Variants in THSD4 observed in about 807,000 individuals in gnomAD.
THSD4 encodes the protein thrombospondin type 1 domain containing 4, also known as thrombospondin type-1 domain-containing protein 4.
Under a neutral mutation model 119.0 loss-of-function variants are expected in THSD4, and 69 were observed. The ratio of observed to expected loss-of-function variants is 0.58; its 90% CI spans 0.48 to 0.71. The LOEUF (loss-of-function observed/expected upper bound fraction) is 0.71. Ranked by LOEUF, THSD4 falls within the 30% of genes least tolerant of loss-of-function variation. The pLI is 0.00. For missense variants in THSD4, 1,393 were observed against 1,391.1 expected (o/e 1.00, Z -0.02); for synonymous variants, 524 against 540.4 (o/e 0.97, Z 0.42).
chr15:71,474,851 C>G (rs2047634804), intron 7 of THSD4, among the ~76,000 whole-genome samples: 1 of 152,192 alleles, frequency 6.6e-6, no homozygotes, highest in African/African-American at 2.4e-5. Context: ...CTCTCTCTTC[C>G]CTTGACTCAC....
chr15:71,283,424 ATTATCTCC>A (rs965942679), intron 6 of THSD4, among the ~76,000 whole-genome samples: 8 of 152,182 alleles, frequency 5.3e-5, no homozygotes, highest in African/African-American at 1.4e-4. Context: ...AAATGTTAAT[ATTATCTCC>A]TTAAGTAGTC....
rs752074142 is a variant in THSD4 at position 71,746,875 on chromosome 15, T to C, written c.2074T>C (p.Cys692Arg). ...IGEWSECSKT[C>R]GLGMQHRQVL... ...GGAGTGGTCTGAGTGCAGCAAGACC[T>C]GTGGCCTGGGCATGCAGCACCGCCA... The change falls in exon 13 of 18, where the codon TGT (cysteine) becomes CGT (arginine). Residue 692 changes from cysteine to arginine, a missense_variant. Transcript: ENST00000261862. 6.2e-7 allele frequency: 1 copy of C among 1,614,106 alleles called. No homozygotes were observed. Among genetic ancestry groups the C allele is most frequent in the Admixed American group, 1.7e-5 (1 of 60,022 alleles).
At chr15:71,513,521 A>C (rs2048312397) in intron 7 of THSD4, among the ~76,000 whole-genome samples, 1 of 152,240 alleles carries the variant, frequency 6.6e-6, no homozygotes, top group African/African-American at 2.4e-5. Context: ...ATCATAAATC[A>C]TCAGGAAAAT....
intron 8 of THSD4, among the ~76,000 whole-genome samples, chr15:71,728,221 C>T (rs2052901271): frequency 6.6e-6 from 1 of 152,116 alleles, no homozygotes; most frequent in African/African-American, 2.4e-5. Flanking sequence ...AATATAAATA[C>T]GTTTCCCTTC....
At chr15:71,683,373 T>C (rs935408147) in intron 8 of THSD4, among the ~76,000 whole-genome samples, 1 of 152,156 alleles carries the variant, frequency 6.6e-6, no homozygotes, top group African/African-American at 2.4e-5. Context: ...ACTGAGTCCT[T>C]ACTGTGTGCC....
At chr15:71,400,019 A>C (rs1389652405) in intron 6 of THSD4, among the ~76,000 whole-genome samples, 1 of 152,200 alleles carries the variant, frequency 6.6e-6, no homozygotes, top group East Asian at 1.9e-4. Flanking sequence ...TGCAGAAAGA[A>C]AAACAAAATA....
intron 6 of THSD4, among the ~76,000 whole-genome samples, chr15:71,265,087 AT>A (rs2044448596): frequency 1.3e-5 from 2 of 152,044 alleles, no homozygotes; most frequent in Admixed American, 1.3e-4. Context: ...TAGAAGCTGT[AT>A]CTCAACTCAT....
chr15:71,253,619 G>T (rs2044283366), intron 5 of THSD4, among the ~76,000 whole-genome samples: 1 of 152,030 alleles, frequency 6.6e-6, no homozygotes, highest in South Asian at 2.1e-4. Flanking sequence ...ATATTGGCAG[G>T]CTGGTCTCGA....
rs554551647 is a variant in THSD4 at position 71,554,090 on chromosome 15, G to C, written c.1153-106440G>C. ...TGTTTTTTCGTTTGTTTTTTGTTTG[G>C]TTTGGTTTTTTTTTTTTCAGATGGA... On this transcript the variant is annotated intron_variant, in intron 7 of 17. Coordinates refer to ENST00000261862, the MANE Select transcript of THSD4 (RefSeq NM_024817.3). Among the ~76,000 whole-genome samples the C allele has an allele frequency of 8.5e-5, 6 of 70,358 alleles. No individual in the cohort carries two copies. The East Asian group carries it at 1.6e-3, about 19-fold the overall frequency. The allele number at this position is 70,358 out of a possible 152,430, so 46.2% of individuals were successfully genotyped here. A position where few individuals can be genotyped will look rare whatever the true frequency, so the allele number is the denominator to read the frequency against.
At chr15:71,290,106 A>C (rs893237293) in intron 6 of THSD4, among the ~76,000 whole-genome samples, 5 of 152,100 alleles carry the variant, frequency 3.3e-5, no homozygotes, top group African/African-American at 1.2e-4. Context: ...AGTGTATTGG[A>C]AGTTTTGCTT....
At chr15:71,582,891 G>T (rs2049587444) in intron 7 of THSD4, among the ~76,000 whole-genome samples, 1 of 152,082 alleles carries the variant, frequency 6.6e-6, no homozygotes, top group Admixed American at 6.6e-5. Context: ...CTAGTATTTT[G>T]TTGAGGATTT....
chr15:71,398,550 C>T (rs1409299491), intron 6 of THSD4, among the ~76,000 whole-genome samples: 2 of 152,116 alleles, frequency 1.3e-5, no homozygotes, highest in African/African-American at 4.8e-5. Flanking sequence ...GAATAAATGA[C>T]ATAGCTTGGT....
intron 7 of THSD4, among the ~76,000 whole-genome samples, chr15:71,553,319 T>C (rs2048960793): frequency 7.3e-6 from 1 of 136,800 alleles, no homozygotes; most frequent in African/African-American, 2.9e-5. Flanking sequence ...TCCTGTCTTC[T>C]ACTAGACTTT....
chr15:71,773,113 A>G (rs966338306), intron 17 of THSD4, among the ~76,000 whole-genome samples: 1 of 149,544 alleles, frequency 6.7e-6, no homozygotes, highest in Admixed American at 6.8e-5. Flanking sequence ...AGGTAGGAGG[A>G]TCACTTGAAC....
intron 6 of THSD4, among the ~76,000 whole-genome samples, chr15:71,382,551 C>A (rs1730328830): frequency 6.6e-6 from 1 of 152,068 alleles, no homozygotes. Context: ...AAACCACCTC[C>A]AAACTAGATA....
At chr15:71,362,289 A>G (rs911915711) in intron 6 of THSD4, among the ~76,000 whole-genome samples, 2 of 152,228 alleles carry the variant, frequency 1.3e-5, no homozygotes, top group African/African-American at 4.8e-5. Flanking sequence ...AAAAAAAATT[A>G]TAATGAGTGG....
At chr15:71,750,522 C>T (rs2053428474) in intron 14 of THSD4, among the ~76,000 whole-genome samples, 1 of 152,238 alleles carries the variant, frequency 6.6e-6, no homozygotes, top group Non-Finnish European at 1.5e-5. Context: ...CACTCCACCT[C>T]CAGAGATGGT....
intron 6 of THSD4, among the ~76,000 whole-genome samples, chr15:71,403,769 T>C (rs1485034020): frequency 6.6e-6 from 1 of 152,236 alleles, no homozygotes; most frequent in Non-Finnish European, 1.5e-5. Context: ...AAAACCACTG[T>C]ATATGCAGTA....
At chr15:71,255,031 A>G (rs1041051550) in intron 5 of THSD4, among the ~76,000 whole-genome samples, 4 of 152,132 alleles carry the variant, frequency 2.6e-5, no homozygotes, top group Admixed American at 1.3e-4. Context: ...GGAGATGTTT[A>G]CCCTCACACC....
Sources: gnomAD v4.1 joint callset for allele counts (sites outside exome capture counted in the v4.1 genomes callset) on GRCh38, gnomAD v4.1.1 for gene constraint, MANE v1.5 for transcripts, NCBI Gene and HGNC (gene_info 2026-07-23, HGNC 2026-07-21) for gene names.